Variants in BUD31 observed in about 807,000 individuals in gnomAD.
BUD31 encodes BUD31 spliceosome associated protein.
Under a neutral mutation model 17.9 loss-of-function variants are expected in BUD31, and 9 were observed. That is an observed-to-expected ratio of 0.50 (90% CI 0.30 to 0.88). The LOEUF (loss-of-function observed/expected upper bound fraction) is 0.88, where lower values mean the gene tolerates loss of function less well. BUD31 is among the 40% of genes least tolerant of loss of function. The pLI, the probability that BUD31 is intolerant of heterozygous loss-of-function variation, is 0.06. For synonymous variants in BUD31, 70 were observed against 64.7 expected (o/e 1.08, Z -0.39); for missense variants, 148 against 184.5 (o/e 0.80, Z 1.15).
At chr7:99,411,829 C>A (rs1013575551) in intron 3 of BUD31, 1 of 405,492 alleles carries the variant, frequency 2.5e-6, no homozygotes, top group African/African-American at 2.1e-5. Context: ...CTCTCAGCCT[C>A]TCGAGTAATT....
chr7:99,411,962 T>C (rs963511968), intron 3 of BUD31: 3 of 296,356 alleles, frequency 1.0e-5, no homozygotes, highest in Admixed American at 4.8e-5. Context: ...CACCTCGGCC[T>C]CCCAAAGTGA....
At chr7:99,418,187 G>A (rs1297398985) in intron 5 of BUD31, 5 of 188,702 alleles carry the variant, frequency 2.6e-5, no homozygotes, top group Middle Eastern at 2.7e-3. Context: ...GGCTGGTCTC[G>A]AACTCCCGAC....
At chr7:99,415,180 G>C in intron 3 of BUD31, 1 of 453,216 alleles carries the variant, frequency 2.2e-6, no homozygotes, top group Admixed American at 2.4e-5. Flanking sequence ...GAGACCGGTA[G>C]TGGCCCCAAA....
chr7:99,418,060 C>T (rs892903815), intron 5 of BUD31: 48 of 957,338 alleles, frequency 5.0e-5, no homozygotes, highest in Admixed American at 3.0e-4. Context: ...CTCCACCTCC[C>T]GGGTTCAAGC....
Position 99,409,109 on chromosome 7 carries a change from C to T in BUD31, c.-302C>T, listed in dbSNP as rs1248904229. The T allele has an allele frequency of 6.6e-6, 1 of 152,258 alleles. No individual in the cohort carries two copies. The highest frequency in any genetic ancestry group is 6.5e-5 in the Admixed American group (1 of 15,270). 9.4% of individuals were successfully genotyped at this position (152,258 alleles called of 1,614,324 possible). On this transcript the variant is annotated 5_prime_UTR_variant, in exon 1 of 6. An upstream open reading frame in the 5' UTR gains an earlier in-frame stop. Transcript: ENST00000222969. ...AGATATGAGTGGCTGGACTCTCAGC[C>T]AGCCACTGGGATGTGTTCGGGCTTT...
intron 3 of BUD31, chr7:99,411,609 G>C: frequency 7.1e-6 from 3 of 424,846 alleles, no homozygotes; most frequent in South Asian, 5.0e-5. Context: ...CCTGCTTTGT[G>C]AACCCGTGTC....
chr7:99,419,548 G>A lies in BUD31; in HGVS notation c.*107G>A, dbSNP rs1379897203. 9.3e-6 allele frequency: 12 copies of A among 1,295,098 alleles called. No homozygotes were observed. Among genetic ancestry groups the A allele is most frequent in the Non-Finnish European group, 1.3e-5 (12 of 906,934 alleles). The allele number at this position is 1,295,098 out of a possible 1,614,324, so 80.2% of individuals were successfully genotyped here. A position where few individuals can be genotyped will look rare whatever the true frequency, so the allele number is the denominator to read the frequency against. On this transcript the variant is annotated 3_prime_UTR_variant, in exon 6 of 6. Coordinates refer to ENST00000222969, the MANE Select transcript of BUD31 (RefSeq NM_003910.4). The stretch of plus-strand genomic sequence containing the variant: ...TGCCCCAGGCCCGAGTTGGAGCACG[G>A]TCTCTATGGGGAAGGCTTCGCTGTC...
chr7:99,415,956 T>G (rs1032066551), intron 3 of BUD31, among the ~76,000 whole-genome samples, 182 bp from the exon 4 acceptor site: 1 of 152,186 alleles, frequency 6.6e-6, no homozygotes, highest in Non-Finnish European at 1.5e-5. Context: ...TTTTATTTAT[T>G]TTATTATACT....
chr7:99,412,976 C>T (rs1363445515), intron 3 of BUD31, among the ~76,000 whole-genome samples: 1 of 152,032 alleles, frequency 6.6e-6, no homozygotes, highest in Non-Finnish European at 1.5e-5. Context: ...TTTCACGCTA[C>T]TGATAGACAT....
chr7:99,419,541 G>C lies in BUD31; in HGVS notation c.*100G>C. Reference sequence around the variant, plus strand: ...CGAGCAGTGCCCCAGGCCCGAGTTGGAGCACGGTCTCTATGGGGAAGGCTT... The same window carrying C: ...CGAGCAGTGCCCCAGGCCCGAGTTGCAGCACGGTCTCTATGGGGAAGGCTT... On this transcript the variant is annotated 3_prime_UTR_variant, in exon 6 of 6. Transcript: ENST00000222969. 1 of 1,384,702 alleles carries C rather than the reference G, an allele frequency of 7.2e-7. No homozygotes were observed. Among genetic ancestry groups the C allele is most frequent in the Non-Finnish European group, 1.0e-6 (1 of 985,670 alleles). The allele number at this position is 1,384,702 out of a possible 1,614,324, so 85.8% of individuals were successfully genotyped here. A position where few individuals can be genotyped will look rare whatever the true frequency, so the allele number is the denominator to read the frequency against.
At chr7:99,410,372 C>T (rs1235980544) in intron 2 of BUD31, among the ~76,000 whole-genome samples, 1 of 151,412 alleles carries the variant, frequency 6.6e-6, no homozygotes, top group Non-Finnish European at 1.5e-5. Context: ...GCACCCACCA[C>T]CATGCTCAGT....
intron 3 of BUD31, among the ~76,000 whole-genome samples, chr7:99,411,530 C>T (rs944591682): frequency 6.6e-6 from 1 of 151,946 alleles, no homozygotes; most frequent in Non-Finnish European, 1.5e-5. Context: ...AGTGCTATTC[C>T]TTTTCAGTAT....
At chr7:99,411,696 C>T in intron 3 of BUD31, 1 of 455,922 alleles carries the variant, frequency 2.2e-6, no homozygotes, top group Admixed American at 2.4e-5. Context: ...GGCCACTTAC[C>T]AATTGACTTT....
chr7:99,411,689 C>T, intron 3 of BUD31: 1 of 455,938 alleles, frequency 2.2e-6, no homozygotes, highest in Non-Finnish European at 4.4e-6. Flanking sequence ...ACAGTGTGGC[C>T]ACTTACCAAT....
chr7:99,416,111 C>A (rs770887424), intron 3 of BUD31, 27 bp from the exon 4 acceptor site: 2 of 1,611,694 alleles, frequency 1.2e-6, no homozygotes, highest in South Asian at 1.1e-5. Flanking sequence ...CCCTATTCCC[C>A]CAAACACACT....
rs972078629 is a variant in BUD31 at position 99,417,984 on chromosome 7, C to A, written c.384+389C>A. On this transcript the variant is annotated intron_variant, in intron 5 of 5. Coordinates refer to ENST00000222969, the MANE Select transcript of BUD31 (RefSeq NM_003910.4). ...TACCATCACTATCTTTCCCGCCCCCCCAAGACGGAGTCTTGCTTTGTCGCC... is the reference window on the plus strand; with the variant it reads ...TACCATCACTATCTTTCCCGCCCCCACAAGACGGAGTCTTGCTTTGTCGCC... 7.0e-5 allele frequency: 82 copies of A among 1,174,092 alleles called. No homozygotes were observed. In the South Asian group the frequency reaches 8.9e-4, roughly 13 times the overall value. 72.7% of individuals were successfully genotyped at this position (1,174,092 alleles called of 1,614,324 possible). A position where few individuals can be genotyped will look rare whatever the true frequency, so the allele number is the denominator to read the frequency against.
rs1231359507 is a variant in BUD31 at position 99,419,583 on chromosome 7, T to G, written c.*142T>G. 1.1e-6 allele frequency: 1 copy of G among 947,908 alleles called. No homozygotes were observed. The highest frequency in any genetic ancestry group is 2.5e-5 in the East Asian group (1 of 39,818). 58.7% of individuals were successfully genotyped at this position (947,908 alleles called of 1,614,324 possible). ...GGAAGGCTTCGCTGTCTATCAGCTG[T>G]GATTTGTAAAAATAAAATCTTTAAA... On this transcript the variant is annotated 3_prime_UTR_variant, in exon 6 of 6. Transcript: ENST00000222969.
At chr7:99,414,151 T>TA (rs901649913) in intron 3 of BUD31, among the ~76,000 whole-genome samples, 35 of 152,064 alleles carry the variant, frequency 2.3e-4, no homozygotes, top group Admixed American at 1.4e-3. Flanking sequence ...TTTTTATTTT[T>TA]TTTTTTGAGA....
intron 4 of BUD31, chr7:99,416,825 A>G (rs551682271): frequency 6.6e-6 from 1 of 150,734 alleles, no homozygotes. Context: ...GGCTCAAGGG[A>G]TCCTCTCACC....
Sources: gnomAD v4.1 joint callset for allele counts (sites outside exome capture counted in the v4.1 genomes callset) on GRCh38, gnomAD v4.1.1 for gene constraint, MANE v1.5 for transcripts, NCBI Gene and HGNC (gene_info 2026-07-23, HGNC 2026-07-21) for gene names.